The following ABL1 variants were observed in gnomAD, a reference collection of about 807,000 sequenced individuals.
ABL1 encodes ABL proto-oncogene 1, non-receptor tyrosine kinase.
A neutral mutation model predicts 94.7 loss-of-function variants in ABL1; 11 were observed. The ratio of observed to expected loss-of-function variants is 0.12; its 90% CI spans 0.07 to 0.19. The LOEUF (loss-of-function observed/expected upper bound fraction) is 0.19, where lower values mean the gene tolerates loss of function less well. Among genes scored for constraint, ABL1 ranks in the 10% least tolerant of loss-of-function variants. The pLI is 1.00. For synonymous variants in ABL1, 656 were observed against 622.4 expected, an observed-to-expected ratio of 1.05 and a Z score of -0.80; for missense variants, 1,082 against 1,489.4, an observed-to-expected ratio of 0.73 and a Z score of 4.50.
chr9:130,737,878 C>G (rs545214993), intron 1 of ABL1, among the ~76,000 whole-genome samples: 2 of 149,446 alleles, frequency 1.3e-5, no homozygotes, highest in African/African-American at 5.0e-5. Flanking sequence ...TTGTCTAGGC[C>G]GGAGTGCAGT....
chr9:130,829,869 G>A (rs1830473691), intron 1 of ABL1, among the ~76,000 whole-genome samples: 2 of 152,264 alleles, frequency 1.3e-5, no homozygotes, highest in South Asian at 2.1e-4. Flanking sequence ...GGTTATGGAT[G>A]GTGATAGTAT....
intron 1 of ABL1, among the ~76,000 whole-genome samples, chr9:130,826,816 C>T (rs1830431884): frequency 1.3e-5 from 2 of 152,162 alleles, no homozygotes; most frequent in African/African-American, 2.4e-5. Context: ...CGGTGGCTCA[C>T]GCCTGTAATC....
chr9:130,865,238 G>A (rs150518214), intron 4 of ABL1, among the ~76,000 whole-genome samples: 193 of 152,312 alleles, frequency 1.3e-3, no homozygotes, highest in Admixed American at 0.011. Flanking sequence ...ATGTCATTGC[G>A]TGGATTTCTG....
rs191163126 is a variant in ABL1 at position 130,721,673 on chromosome 9, G to A, written c.136+7218G>A. 9.6e-4 allele frequency among the ~76,000 whole-genome samples: 146 copies of A among 152,214 alleles called. 1 individual carries two copies. The highest frequency in any genetic ancestry group is 3.4e-3 in the African/African-American group (141 of 41,536). On this transcript the variant is annotated intron_variant, in intron 1 of 10. Coordinates refer to the ABL1 transcript ENST00000372348. ...TGCAGTGAGCTGTGATGGTGCTATTGCACTCCAATCTGGGTGACAGAGTGA... is the reference window on the plus strand; with the variant it reads ...TGCAGTGAGCTGTGATGGTGCTATTACACTCCAATCTGGGTGACAGAGTGA...
At chr9:130,841,806 C>T (rs1476880875) in intron 1 of ABL1, among the ~76,000 whole-genome samples, 1 of 151,390 alleles carries the variant, frequency 6.6e-6, no homozygotes, top group Admixed American at 6.6e-5. Flanking sequence ...GCAAAAACTC[C>T]AGCTCAAAAA....
chr9:130,792,207 A>C (rs1174494213), intron 1 of ABL1, among the ~76,000 whole-genome samples: 1 of 152,092 alleles, frequency 6.6e-6, no homozygotes, highest in Non-Finnish European at 1.5e-5. Flanking sequence ...AGGACACACC[A>C]CCATTTACAC....
rs1467907432 is a variant in ABL1 at position 130,880,469 on chromosome 9, A to G, written c.1514-31A>G. 1 of 1,612,800 alleles carries G rather than the reference A, an allele frequency of 6.2e-7. No individual in the cohort carries two copies. ...CAACACCAGTACTGATGGCTGCTGG[A>G]TTTTTGTTTCTGTCCCTGTATGATT... On this transcript the variant is annotated intron_variant, in intron 9 of 10. Coordinates refer to ENST00000318560, the MANE Select transcript of ABL1 (RefSeq NM_005157.6). This position sits in a 1 kb window ranked among gnomAD's most constrained non-coding sequence, Gnocchi z 4.4.
chr9:130,854,318 C>G, intron 2 of ABL1, 81 bp downstream of exon 2: 1 of 1,485,880 alleles, frequency 6.7e-7, no homozygotes, highest in Middle Eastern at 2.3e-4. Flanking sequence ...ACCCTTTGCT[C>G]GTTAAAGGAG....
chr9:130,735,961 A>ATTTTTTTTTTTTT (rs141181174), intron 1 of ABL1, among the ~76,000 whole-genome samples: 2 of 94,850 alleles, frequency 2.1e-5, no homozygotes, highest in African/African-American at 1.3e-4. Flanking sequence ...ATATATATAT[A>ATTTTTTTTTTTTT]TTTTTTTTTT....
intron 1 of ABL1, among the ~76,000 whole-genome samples, chr9:130,732,401 C>G (rs919884118): frequency 2.0e-5 from 3 of 152,118 alleles, no homozygotes; most frequent in African/African-American, 4.8e-5. Context: ...TCAACCTGAT[C>G]TTCTTTGTTA....
intron 10 of ABL1, among the ~76,000 whole-genome samples, chr9:130,881,589 G>A (rs1225221717): frequency 6.6e-6 from 1 of 152,178 alleles, no homozygotes; most frequent in East Asian, 1.9e-4. Context: ...ACCTCCCCAT[G>A]ATTCATTGAT....
At chr9:130,788,786 T>C (rs1829865245) in intron 1 of ABL1, among the ~76,000 whole-genome samples, 1 of 152,250 alleles carries the variant, frequency 6.6e-6, no homozygotes, top group Non-Finnish European at 1.5e-5. Flanking sequence ...TCCTTACTAT[T>C]AGATTCAAGT....
chr9:130,842,247 C>A (rs35976641), intron 1 of ABL1, among the ~76,000 whole-genome samples: 3 of 152,172 alleles, frequency 2.0e-5, no homozygotes, highest in South Asian at 2.1e-4. Context: ...GTTTCCATTT[C>A]CTGCCCTCAA....
chr9:130,769,454 G>T (rs1013836982), intron 1 of ABL1, among the ~76,000 whole-genome samples: 5 of 148,342 alleles, frequency 3.4e-5, no homozygotes, highest in African/African-American at 1.2e-4. Flanking sequence ...GCCTCAGCCT[G>T]CCAGGTAGCT....
intron 7 of ABL1, among the ~76,000 whole-genome samples, chr9:130,876,574 C>G (rs537393651): frequency 1.3e-5 from 2 of 150,676 alleles, no homozygotes; most frequent in Non-Finnish European, 2.9e-5. Context: ...CCTGCCACCA[C>G]GCCTGGCTAA....
intron 4 of ABL1, among the ~76,000 whole-genome samples, chr9:130,870,983 G>A (rs7856800): frequency 0.018 from 2,808 of 152,262 alleles, 90 homozygotes; most frequent in African/African-American, 0.063. Context: ...ATCAGGACAC[G>A]GTGTCTCCCA....
chr9:130,745,442 G>A (rs1440784777), intron 1 of ABL1, among the ~76,000 whole-genome samples: 1 of 151,182 alleles, frequency 6.6e-6, no homozygotes, highest in Non-Finnish European at 1.5e-5. Context: ...ATAATAGAGC[G>A]CCTGCTGTTT....
intron 1 of ABL1, 41 bp from the exon 2 acceptor site, chr9:130,854,023 T>G: frequency 6.4e-7 from 1 of 1,552,416 alleles, no homozygotes; most frequent in East Asian, 2.3e-5. Context: ...CCCAATTTTC[T>G]CTTCCTTTTT....
chr9:130,876,865 T>G (rs1467298337), intron 7 of ABL1, among the ~76,000 whole-genome samples: 1 of 145,418 alleles, frequency 6.9e-6, no homozygotes, highest in Non-Finnish European at 1.5e-5. Flanking sequence ...GCCTCCCGAG[T>G]AGCTGAGACT....
Sources: allele counts gnomAD v4.1 joint callset (sites outside exome capture counted in the v4.1 genomes callset), GRCh38; gene constraint gnomAD v4.1.1; non-coding constraint Gnocchi (gnomAD v3.1); transcripts MANE v1.5; gene names NCBI Gene and HGNC (gene_info 2026-07-23, HGNC 2026-07-21).